Variants in RB1 observed in about 807,000 individuals in gnomAD.
RB1 encodes retinoblastoma-associated protein.
In RB1, 18 loss-of-function variants were observed where a neutral mutation model predicts 135.4. The observed-to-expected ratio is 0.13, with a 90% confidence interval of 0.09 to 0.20. RB1 has a LOEUF of 0.20. Among genes scored for constraint, RB1 ranks in the 10% least tolerant of loss-of-function variants. RB1 has a pLI of 1.00. For synonymous variants in RB1, 365 were observed against 373.2 expected (o/e 0.98, Z 0.25); for missense variants, 868 against 1,110.0 (o/e 0.78, Z 3.10).
chr13:48,475,047 A>G (rs1204289153), intron 24 of RB1, among the ~76,000 whole-genome samples: 1 of 151,822 alleles, frequency 6.6e-6, no homozygotes, highest in Non-Finnish European at 1.5e-5. Context: ...CTAATTTTTA[A>G]ATTTTTTGTA....
At chr13:48,445,619 T>C (rs1048180061) in intron 17 of RB1, among the ~76,000 whole-genome samples, 1 of 152,136 alleles carries the variant, frequency 6.6e-6, no homozygotes, top group Non-Finnish European at 1.5e-5. Context: ...CCTTCCCAGA[T>C]CAGCCTTCCT....
intron 17 of RB1, among the ~76,000 whole-genome samples, chr13:48,441,154 A>G (rs1949232572): frequency 6.6e-6 from 1 of 152,226 alleles, no homozygotes; most frequent in East Asian, 1.9e-4. Flanking sequence ...TCAAGTTTCC[A>G]GCAGATCTGA....
chr13:48,328,559 C>T, intron 2 of RB1: 1 of 700,040 alleles, frequency 1.4e-6, no homozygotes, highest in Non-Finnish European at 2.6e-6. Flanking sequence ...TTCCCATCAG[C>T]CATTTCCCCC....
chr13:48,379,890 G>A (rs1191194326), intron 14 of RB1, among the ~76,000 whole-genome samples, 163 bp from the exon 15 acceptor site: 1 of 149,822 alleles, frequency 6.7e-6, no homozygotes, highest in East Asian at 2.0e-4. Flanking sequence ...AACCAGGGAG[G>A]TGGAGGTTGC....
Position 48,320,390 on chromosome 13 carries a change from C to CG in RB1, c.264+12988dup, listed in dbSNP as rs1300871307. ...CCCTCGTCAGCCTCCGAGAAGCACC[C>CG]GGGGAACCTAAAGCTCCCTGGTGGG... On this transcript the variant is annotated intron_variant, in intron 2 of 26. Coordinates refer to ENST00000267163, the MANE Select transcript of RB1 (RefSeq NM_000321.3). 7 of 1,182,592 alleles carry CG rather than the reference C, an allele frequency of 5.9e-6. No homozygotes were observed. The Admixed American group carries it at 1.2e-4, about 20-fold the overall frequency. The allele number at this position is 1,182,592 out of a possible 1,614,324, so 73.3% of individuals were successfully genotyped here.
At chr13:48,472,712 T>C (rs1949478868) in intron 23 of RB1, among the ~76,000 whole-genome samples, 1 of 152,280 alleles carries the variant, frequency 6.6e-6, no homozygotes, top group African/African-American at 2.4e-5. Context: ...CTCTGGTTAA[T>C]CAAATATTAT....
chr13:48,456,395 T>A (rs887005060), intron 19 of RB1, 46 bp downstream of exon 19: 56 of 1,604,440 alleles, frequency 3.5e-5, no homozygotes, highest in Non-Finnish European at 4.1e-5. Context: ...GAAACTAGGC[T>A]GACTGGGTTC....
At chr13:48,346,166 A>C (rs1952495264) in intron 4 of RB1, among the ~76,000 whole-genome samples, 2 of 149,424 alleles carry the variant, frequency 1.3e-5, no homozygotes, top group Non-Finnish European at 3.0e-5. Flanking sequence ...GAAAAAGGGA[A>C]ATTTTTAATT....
At chr13:48,415,820 C>G (rs1037681897) in intron 17 of RB1, 2 of 152,110 alleles carry the variant, frequency 1.3e-5, no homozygotes, top group Non-Finnish European at 2.9e-5. Flanking sequence ...ACTGTTTGAA[C>G]AGGAAGAAGA....
chr13:48,320,624 A>T, intron 2 of RB1: 1 of 352,468 alleles, frequency 2.8e-6, no homozygotes, highest in Non-Finnish European at 5.4e-6. Context: ...CGAGGTCAGG[A>T]GTTTGAGACC....
Position 48,348,963 on chromosome 13 carries a change from A to G in RB1, c.547A>G (p.Thr183Ala), listed in dbSNP as rs1593437952. 2 of 1,601,690 alleles carry G rather than the reference A, an allele frequency of 1.2e-6. No homozygotes were observed. The highest frequency in any genetic ancestry group is 1.7e-6 in the Non-Finnish European group (2 of 1,172,992). Residue 183 changes from threonine (T) to alanine (A), a missense_variant, in exon 6 of 27, where the codon ACT (threonine) becomes GCT (alanine). Thr to Ala is a moderately conservative substitution (Grantham distance 58). Around this residue, in one of 3 missense-constraint regions of RB1, gnomAD observed 641 missense variants for 791.3 expected, o/e 0.81. Transcript: ENST00000267163. ...TTTCTATTTGTTTAATAGGATATCT[A>G]CTGAAATAAATTCTGCATTGGTGCT... The part of the protein sequence containing the change: ...YLTQPSSSIS[T>A]EINSALVLKV...
chr13:48,374,635 C>T (rs1351371951), intron 12 of RB1, among the ~76,000 whole-genome samples: 2 of 151,076 alleles, frequency 1.3e-5, no homozygotes, highest in African/African-American at 4.9e-5. Context: ...TATGCCAAAA[C>T]ATATGTACCC....
intron 13 of RB1, among the ~76,000 whole-genome samples, 191 bp downstream of exon 13, chr13:48,377,225 A>G (rs535666336): frequency 6.6e-6 from 1 of 152,330 alleles, no homozygotes; most frequent in South Asian, 2.1e-4. Context: ...CCACCCCATT[A>G]TAAAAACTAT....
chr13:48,415,875 A>T (rs1948900406), intron 17 of RB1: 1 of 152,254 alleles, frequency 6.6e-6, no homozygotes, highest in African/African-American at 2.4e-5. Context: ...TTGGCCTCTA[A>T]TTAAGGAACC....
At chr13:48,330,667 A>G (rs1455464662) in intron 2 of RB1, among the ~76,000 whole-genome samples, 2 of 152,212 alleles carry the variant, frequency 1.3e-5, no homozygotes, top group Non-Finnish European at 2.9e-5. Flanking sequence ...GTAATCAAAA[A>G]TCTACCAATA....
intron 17 of RB1, among the ~76,000 whole-genome samples, chr13:48,397,631 T>C (rs1751263987): frequency 6.6e-6 from 1 of 152,176 alleles, no homozygotes. Context: ...ATCCTAGAAC[T>C]TAAAGTATAA....
intron 17 of RB1, chr13:48,426,577 T>A (rs1949082358): frequency 6.6e-6 from 1 of 152,228 alleles, no homozygotes; most frequent in Admixed American, 6.5e-5. Flanking sequence ...AAGTCCACCT[T>A]ACCCCTGTTA....
intron 17 of RB1, among the ~76,000 whole-genome samples, chr13:48,395,210 A>G (rs1322909258): frequency 1.3e-5 from 2 of 152,194 alleles, no homozygotes; most frequent in East Asian, 3.9e-4. Flanking sequence ...AACATCAACA[A>G]AAAGGACGTC....
At chr13:48,450,256 T>C (rs1251530984) in intron 17 of RB1, among the ~76,000 whole-genome samples, 1 of 152,170 alleles carries the variant, frequency 6.6e-6, no homozygotes, top group Non-Finnish European at 1.5e-5. Flanking sequence ...TTTTTAGAGT[T>C]TTCGGTTTTA....
Sources: gnomAD v4.1 joint callset for allele counts (sites outside exome capture counted in the v4.1 genomes callset) on GRCh38, gnomAD v4.1.1 for gene constraint, gnomAD v4.1.1 regional missense constraint, MANE v1.5 for transcripts, NCBI Gene and HGNC (gene_info 2026-07-23, HGNC 2026-07-21) for gene names.